MYH10: variants seen among roughly 807,000 people sequenced by gnomAD.
MYH10 encodes the protein myosin-10.
Under a neutral mutation model 257.8 loss-of-function variants are expected in MYH10, and 55 were observed. The ratio of observed to expected loss-of-function variants is 0.21; its 90% CI spans 0.17 to 0.27. MYH10 has a LOEUF of 0.27. Ranked by LOEUF, MYH10 falls within the 10% of genes least tolerant of loss-of-function variation. The pLI is 1.00. For synonymous variants in MYH10, 854 were observed against 921.7 expected (o/e 0.93, Z 1.33); for missense variants, 1,631 against 2,500.6 (o/e 0.65, Z 7.42).
intron 4 of MYH10, among the ~76,000 whole-genome samples, chr17:8,578,977 G>C (rs1023889687): frequency 4.6e-5 from 7 of 152,104 alleles, no homozygotes; most frequent in Middle Eastern, 3.2e-3. Context: ...CTCTTTCTTG[G>C]AATTGTACTT....
At chr17:8,491,304 T>G (rs1915740929) in intron 34 of MYH10, among the ~76,000 whole-genome samples, 1 of 152,156 alleles carries the variant, frequency 6.6e-6, no homozygotes. Flanking sequence ...GATCAACATG[T>G]GAGTGTTGAT....
chr17:8,520,512 A>G (rs2081620108), intron 19 of MYH10, among the ~76,000 whole-genome samples: 1 of 152,318 alleles, frequency 6.6e-6, no homozygotes, highest in Middle Eastern at 3.4e-3. Context: ...TAATAAATAA[A>G]TAAAAATAAA....
chr17:8,569,148 G>C lies in MYH10; in HGVS notation c.756+572C>G, dbSNP rs554005379. Reference sequence around the variant, plus strand: ...GAGGAAGGAGGATGCCTTGAGACCAGGAGTTGGTGGCTGCAGTGAGCTATG... The same window carrying C: ...GAGGAAGGAGGATGCCTTGAGACCACGAGTTGGTGGCTGCAGTGAGCTATG... On this transcript the variant is annotated intron_variant, in intron 7 of 42. Coordinates refer to ENST00000360416, the MANE Select transcript of MYH10 (RefSeq NM_001256012.3). The surrounding 1 kb of genome is among the most constrained non-coding windows in gnomAD (Gnocchi z 4.1). 2.0e-5 allele frequency among the ~76,000 whole-genome samples: 3 copies of C among 151,880 alleles called. No homozygotes were observed. Among genetic ancestry groups the C allele is most frequent in the Admixed American group, 1.3e-4 (2 of 15,262 alleles).
intron 37 of MYH10, among the ~76,000 whole-genome samples, chr17:8,483,838 C>T (rs903437960): frequency 2.0e-5 from 3 of 152,226 alleles, no homozygotes; most frequent in Admixed American, 1.3e-4. Context: ...ATCAACACTT[C>T]CCTTTCCTGC....
At chr17:8,508,773 A>G in intron 25 of MYH10, 96 bp from the exon 26 acceptor site, 4 of 1,465,554 alleles carry the variant, frequency 2.7e-6, no homozygotes, top group Non-Finnish European at 2.8e-6. Context: ...TCGAGAGAAA[A>G]TAAGTTCTAT....
chr17:8,554,330 AAT>A (rs1462930140), intron 7 of MYH10: 2 of 180,826 alleles, frequency 1.1e-5, no homozygotes, highest in African/African-American at 4.8e-5. Context: ...GAGAGATTTT[AAT>A]AGTTTTAAAG....
In MYH10 at chr17:8,626,108, A is replaced by G. The variant is rs568621469; in HGVS notation, c.-31-2831T>C. Among the ~76,000 whole-genome samples the G allele has an allele frequency of 2.0e-5, 3 of 152,368 alleles. No homozygotes were observed. In the South Asian group the frequency reaches 6.2e-4, roughly 32 times the overall value. On this transcript the variant is annotated intron_variant, in intron 1 of 42. Coordinates refer to ENST00000360416, the MANE Select transcript of MYH10 (RefSeq NM_001256012.3). ...AAAATTGCTAACACATTTTATACCT[A>G]AACTTGCATTAGTCTTCTAAGACAT...
At position 8,500,850 on chromosome 17, in the gene MYH10, T is replaced by C; in HGVS notation, c.3720A>G (p.Ser1240=). The change falls in exon 29 of 43, where the codon TCA becomes TCG. Residue 1240 remains serine (S), a synonymous_variant. Transcript: ENST00000360416. ...QRHATALEEL[S]EQLEQAKRFK... ...CCCGCTTGGCCTGTTCCAGCTGCTC[T>C]GAGAGCTCCTCCAGGGCTGTTGCGT... The C allele has an allele frequency of 6.2e-7, 1 of 1,613,716 alleles. No individual in the cohort carries two copies.
At chr17:8,475,970 T>C in intron 42 of MYH10, 22 bp from the exon 43 acceptor site, 1 of 1,606,642 alleles carries the variant, frequency 6.2e-7, no homozygotes, top group Admixed American at 1.7e-5. Flanking sequence ...AGGAAGCAGA[T>C]GTGTGTGGGT....
rs1036071097 is a variant in MYH10, at chr17:8,475,855, T to C, written c.5973A>G (p.Thr1991=). ...CGTTGACATCACTGGTCTTACTTTCTGTGTCATCGTCGGAGAGCTCCAGGG... is the reference window on the plus strand; with the variant it reads ...CGTTGACATCACTGGTCTTACTTTCCGTGTCATCGTCGGAGAGCTCCAGGG... ...GASLELSDDD[T]ESKTSDVNET... is the part of the protein sequence containing the mutation. Residue 1991 remains threonine (T), a synonymous_variant, in exon 43 of 43, where the codon ACA becomes ACG. Coordinates refer to ENST00000360416, the MANE Select transcript of MYH10 (RefSeq NM_001256012.3). 9 of 1,614,240 alleles carry C rather than the reference T, an allele frequency of 5.6e-6. No homozygotes were observed. Among genetic ancestry groups the C allele is most frequent in the Admixed American group, 1.7e-5 (1 of 60,032 alleles).
chr17:8,594,643 C>G (rs955529652), intron 3 of MYH10, among the ~76,000 whole-genome samples: 2 of 152,126 alleles, frequency 1.3e-5, no homozygotes, highest in Admixed American at 6.5e-5. Flanking sequence ...TGTTGACCCC[C>G]GTTATCTGTG....
chr17:8,587,149 C>A (rs1567944173), intron 4 of MYH10, among the ~76,000 whole-genome samples: 1 of 152,166 alleles, frequency 6.6e-6, no homozygotes, highest in East Asian at 1.9e-4. Context: ...AAGGCACCCC[C>A]ACCAACAGTC....
chr17:8,499,583 T>C (rs1917198811), intron 29 of MYH10, 107 bp from the exon 30 acceptor site: 3 of 935,100 alleles, frequency 3.2e-6, no homozygotes, highest in Non-Finnish European at 5.0e-6. Context: ...AGTGAGTCTG[T>C]AGTCAACATC....
chr17:8,494,021 G>A (rs1916182285), intron 31 of MYH10, 136 bp from the exon 32 acceptor site: 1 of 958,594 alleles, frequency 1.0e-6, no homozygotes, highest in Non-Finnish European at 1.5e-6. Flanking sequence ...AACAAACACA[G>A]ATGATTTAAA....
chr17:8,629,240 G>A (rs868650315), intron 1 of MYH10, among the ~76,000 whole-genome samples: 11 of 152,154 alleles, frequency 7.2e-5, no homozygotes, highest in African/African-American at 1.9e-4. Context: ...CAAAATCTCA[G>A]CAAAGCCAAA....
chr17:8,585,248 A>G lies in MYH10; in HGVS notation c.530+3833T>C, dbSNP rs1024930470. ...TATATGTGTGTGTATATATGTGTAT[A>G]TATCTATATATGTGTATATATATGT... On this transcript the variant is annotated intron_variant, in intron 4 of 42. Transcript: ENST00000360416. 1.5e-4 allele frequency among the ~76,000 whole-genome samples: 18 copies of G among 117,870 alleles called. No individual in the cohort carries two copies. In the East Asian group the frequency reaches 2.1e-3, roughly 14 times the overall value. The allele number at this position is 117,870 out of a possible 152,430, so 77.3% of individuals were successfully genotyped here. A position where few individuals can be genotyped will look rare whatever the true frequency, so the allele number is the denominator to read the frequency against.
chr17:8,606,907 G>T (rs2084832790), intron 2 of MYH10, among the ~76,000 whole-genome samples: 1 of 152,108 alleles, frequency 6.6e-6, no homozygotes. Context: ...TACAGACCTG[G>T]CAAACCCTGG....
intron 22 of MYH10, 22 bp downstream of exon 22, chr17:8,513,764 G>C (rs762722376): frequency 1.2e-6 from 2 of 1,613,372 alleles, no homozygotes; most frequent in Non-Finnish European, 1.7e-6. Context: ...AAGGGATCTG[G>C]AAAGAAGTGA....
intron 1 of MYH10, among the ~76,000 whole-genome samples, chr17:8,628,267 T>A (rs1213127117): frequency 6.6e-6 from 1 of 152,208 alleles, no homozygotes; most frequent in Non-Finnish European, 1.5e-5. Flanking sequence ...AAATCATTTA[T>A]CTGTGTATGA....
Sources: gnomAD v4.1 joint callset for allele counts (sites outside exome capture counted in the v4.1 genomes callset) on GRCh38, gnomAD v4.1.1 for gene constraint, Gnocchi (gnomAD v3.1) non-coding constraint, MANE v1.5 for transcripts, NCBI Gene and HGNC (gene_info 2026-07-23, HGNC 2026-07-21) for gene names.